Variants in PVT1 observed in about 807,000 individuals in gnomAD.
The protein encoded by PVT1 is Pvt1 oncogene.
intron 4 of PVT1, among the ~76,000 whole-genome samples, chr8:128,016,213 A>T (rs1445743667): frequency 2.0e-5 from 3 of 151,484 alleles, no homozygotes; most frequent in Non-Finnish European, 4.4e-5. Context: ...GGAGGTGGAG[A>T]TTGCGGTGAA....
At chr8:127,920,830 C>T (rs1352235311) in intron 3 of PVT1, among the ~76,000 whole-genome samples, 1 of 152,134 alleles carries the variant, frequency 6.6e-6, no homozygotes, top group African/African-American at 2.4e-5. Flanking sequence ...GTTTGTATTC[C>T]ATATGCTTTA....
intron 2 of PVT1, among the ~76,000 whole-genome samples, chr8:127,856,839 G>A (rs913673984): frequency 6.6e-6 from 1 of 152,214 alleles, no homozygotes; most frequent in African/African-American, 2.4e-5. Flanking sequence ...TAGGCCTAGA[G>A]TGCTCTCCTA....
At chr8:127,934,141 G>A (rs1816244363) in intron 3 of PVT1, among the ~76,000 whole-genome samples, 1 of 152,202 alleles carries the variant, frequency 6.6e-6, no homozygotes, top group African/African-American at 2.4e-5. Flanking sequence ...TTGAAAAAGG[G>A]CCTTTCATGT....
rs1469924158 is a variant in PVT1 at position 127,939,320 on chromosome 8, G to A, written n.782+48322G>A. Among the ~76,000 whole-genome samples, 3 of 152,200 alleles carry A rather than the reference G, an allele frequency of 2.0e-5. No individual in the cohort carries two copies. In the East Asian group the frequency reaches 5.8e-4, roughly 29 times the overall value. ...ACAGGCTTCATGGATGGGGGCCTACGACCGCAGATGGAGCAGAGGTGGACA... is the reference window on the plus strand; with the variant it reads ...ACAGGCTTCATGGATGGGGGCCTACAACCGCAGATGGAGCAGAGGTGGACA... On this transcript the variant is annotated intron_variant and non_coding_transcript_variant, in intron 3 of 10. Transcript: ENST00000651587.
chr8:128,032,181 A>C (rs1813399582), intron 4 of PVT1, among the ~76,000 whole-genome samples: 1 of 152,170 alleles, frequency 6.6e-6, no homozygotes, highest in South Asian at 2.1e-4. Flanking sequence ...CATTCGGTGG[A>C]GTCTGTGAGG....
chr8:127,965,432 A>G (rs1020323488), intron 3 of PVT1, among the ~76,000 whole-genome samples: 17 of 152,122 alleles, frequency 1.1e-4, no homozygotes, highest in African/African-American at 3.9e-4. Context: ...GACAGTTATG[A>G]TTGGTTTCTC....
chr8:127,908,819 G>A (rs575485000), intron 3 of PVT1, among the ~76,000 whole-genome samples: 1 of 152,234 alleles, frequency 6.6e-6, no homozygotes, highest in Non-Finnish European at 1.5e-5. Flanking sequence ...GTAGCAGTAG[G>A]GTCCCTGCCA....
At chr8:127,991,140 C>CTTT (rs35494368) in intron 4 of PVT1, among the ~76,000 whole-genome samples, 33 of 73,106 alleles carry the variant, frequency 4.5e-4, no homozygotes, top group Non-Finnish European at 7.0e-4. Context: ...TCTTTTCTTT[C>CTTT]TTTTTTTTTT....
chr8:128,064,126 C>A (rs1221218733), intron 4 of PVT1, among the ~76,000 whole-genome samples: 1 of 152,198 alleles, frequency 6.6e-6, no homozygotes, highest in African/African-American at 2.4e-5. Flanking sequence ...ATAGTCCTTC[C>A]TGCAGTACCC....
chr8:127,858,452 G>C (rs926175033), intron 2 of PVT1, among the ~76,000 whole-genome samples: 1 of 135,568 alleles, frequency 7.4e-6, no homozygotes, highest in South Asian at 2.4e-4. Flanking sequence ...ATAAATAAAA[G>C]ATGGTCTTGA....
chr8:127,932,002 A>G (rs1289372571), intron 3 of PVT1, among the ~76,000 whole-genome samples: 1 of 152,044 alleles, frequency 6.6e-6, no homozygotes, highest in African/African-American at 2.4e-5. Flanking sequence ...TCTTTGCCCC[A>G]TTTCCTCCTC....
At chr8:127,876,846 C>G (rs11992068) in intron 2 of PVT1, among the ~76,000 whole-genome samples, 25,624 of 152,166 alleles carry the variant, frequency 0.17, 2,326 homozygotes, top group East Asian at 0.39. Flanking sequence ...CCCCATCCCC[C>G]CAATTTGGAC....
chr8:127,924,107 A>T (rs1816097180), intron 3 of PVT1, among the ~76,000 whole-genome samples: 2 of 151,620 alleles, frequency 1.3e-5, no homozygotes, highest in African/African-American at 2.4e-5. Context: ...TTCCAGGGGG[A>T]TGTGTTTGGG....
rs561980319 is a variant in PVT1, at chr8:127,924,999, C to T, written n.782+34001C>T. ...GGAGTTGTGCAACCATCACCACAAT[C>T]AATTTGAGAGCATTTTGATCACCCC... On this transcript the variant is annotated intron_variant and non_coding_transcript_variant, in intron 3 of 10. Transcript: ENST00000651587. Among the ~76,000 whole-genome samples the T allele has an allele frequency of 1.1e-3, 166 of 152,298 alleles. 1 individual carries two copies. Among genetic ancestry groups the T allele is most frequent in the African/African-American group, 3.8e-3 (157 of 41,560 alleles).
chr8:128,035,500 G>A (rs1813451142), intron 4 of PVT1, among the ~76,000 whole-genome samples: 1 of 152,192 alleles, frequency 6.6e-6, no homozygotes, highest in Admixed American at 6.5e-5. Context: ...CGTTTATTGA[G>A]CCTTGCTAGG....
chr8:127,876,978 G>A (rs1358491638), intron 2 of PVT1, among the ~76,000 whole-genome samples: 1 of 152,214 alleles, frequency 6.6e-6, no homozygotes, highest in Non-Finnish European at 1.5e-5. Flanking sequence ...AGTCAGGAGC[G>A]TGACCTCCCC....
At chr8:127,952,599 C>T (rs1816517965) in intron 3 of PVT1, among the ~76,000 whole-genome samples, 1 of 152,194 alleles carries the variant, frequency 6.6e-6, no homozygotes, top group Non-Finnish European at 1.5e-5. Flanking sequence ...GTTTTGGGTA[C>T]CTATTTTGTG....
At chr8:127,834,277 AC>A (rs1586399205) in intron 2 of PVT1, among the ~76,000 whole-genome samples, 1 of 152,216 alleles carries the variant, frequency 6.6e-6, no homozygotes, top group East Asian at 1.9e-4. Context: ...CACATCTACA[AC>A]CATCTGAACT....
At chr8:128,024,233 T>G (rs1210901874) in intron 4 of PVT1, among the ~76,000 whole-genome samples, 1 of 152,216 alleles carries the variant, frequency 6.6e-6, no homozygotes, top group East Asian at 1.9e-4. Context: ...GTAACCAGAT[T>G]ACCTGATACC....
Sources: gnomAD v4.1 joint callset for allele counts (sites outside exome capture counted in the v4.1 genomes callset) on GRCh38, gnomAD v4.1.1 for gene constraint, MANE v1.5 for transcripts, NCBI Gene and HGNC (gene_info 2026-07-23, HGNC 2026-07-21) for gene names.